NMNAT3: variants seen among roughly 807,000 people sequenced by gnomAD.
NMNAT3 encodes the protein nicotinamide/nicotinic acid mononucleotide adenylyltransferase 3.
In NMNAT3, 21 loss-of-function variants were observed where a neutral mutation model predicts 24.8. The ratio of observed to expected loss-of-function variants is 0.85; its 90% CI spans 0.60 to 1.22. The LOEUF (loss-of-function observed/expected upper bound fraction) is 1.22, where lower values mean the gene tolerates loss of function less well. NMNAT3 is among the 50% of genes most tolerant of loss of function. NMNAT3 has a pLI of 0.00. For missense variants in NMNAT3, 387 were observed against 436.6 expected (o/e 0.89, Z 1.01); for synonymous variants, 136 against 155.2 (o/e 0.88, Z 0.92).
intron 3 of NMNAT3, among the ~76,000 whole-genome samples, chr3:139,598,496 G>A (rs2054574706): frequency 6.6e-6 from 1 of 152,122 alleles, no homozygotes; most frequent in African/African-American, 2.4e-5. Context: ...CCACATGCAT[G>A]TGCTGTAGTC....
At chr3:139,672,762 T>C (rs974352590) in intron 1 of NMNAT3, 1 of 152,192 alleles carries the variant, frequency 6.6e-6, no homozygotes, top group Non-Finnish European at 1.5e-5. Context: ...CCAAAGTAAC[T>C]CTCTAATAAT....
intron 1 of NMNAT3, among the ~76,000 whole-genome samples, chr3:139,662,541 A>G (rs1245345991): frequency 6.6e-6 from 1 of 152,202 alleles, no homozygotes; most frequent in Non-Finnish European, 1.5e-5. Flanking sequence ...ATGGCCAGGC[A>G]GAAGCTCAGG....
At chr3:139,666,323 C>T (rs1310380576) in intron 1 of NMNAT3, among the ~76,000 whole-genome samples, 8 of 152,160 alleles carry the variant, frequency 5.3e-5, no homozygotes, top group Non-Finnish European at 1.2e-4. Flanking sequence ...CCAGGGATAC[C>T]TGTTCTTAGG....
chr3:139,582,937 C>T lies in NMNAT3; in HGVS notation c.381G>A (p.Glu127=). The T allele has an allele frequency of 6.7e-7, 1 of 1,485,060 alleles. No homozygotes were observed. Among genetic ancestry groups the T allele is most frequent in the Non-Finnish European group, 9.0e-7 (1 of 1,115,330 alleles). The allele number at this position is 1,485,060 out of a possible 1,614,324, so 92.0% of individuals were successfully genotyped here. A position where few individuals can be genotyped will look rare whatever the true frequency, so the allele number is the denominator to read the frequency against. The change falls in exon 4 of 7, where the codon GAG becomes GAA. Residue 127 remains glutamate, a synonymous_variant. Transcript: ENST00000643695. ...ATATATATTTTTTACCTTGAAGTCG[C>T]TCATCAGTGAATATTTTGTTTGTTT...
chr3:139,624,635 G>C (rs1450787740), intron 3 of NMNAT3, among the ~76,000 whole-genome samples: 1 of 152,114 alleles, frequency 6.6e-6, no homozygotes, highest in Non-Finnish European at 1.5e-5. Context: ...TCTTAGTAGA[G>C]ACGGGGTTTC....
intron 6 of NMNAT3, among the ~76,000 whole-genome samples, chr3:139,572,705 AC>A (rs1205938674): frequency 6.6e-6 from 1 of 152,216 alleles, no homozygotes; most frequent in Non-Finnish European, 1.5e-5. Context: ...AAAAATACTA[AC>A]AGATATTAAA....
intron 3 of NMNAT3, among the ~76,000 whole-genome samples, chr3:139,622,865 T>A (rs189410685): frequency 9.7e-5 from 14 of 144,864 alleles, no homozygotes; most frequent in African/African-American, 2.5e-4. Flanking sequence ...TATATATATA[T>A]AAACAGTATA....
chr3:139,579,977 C>T (rs1390022703), intron 4 of NMNAT3, among the ~76,000 whole-genome samples: 1 of 152,094 alleles, frequency 6.6e-6, no homozygotes, highest in Non-Finnish European at 1.5e-5. Flanking sequence ...CCCTATTTGG[C>T]CAAGATATAT....
At chr3:139,576,288 C>CA in intron 5 of NMNAT3, 1 of 966,916 alleles carries the variant, frequency 1.0e-6, no homozygotes, top group Non-Finnish European at 1.2e-6. Context: ...TAATCAAACA[C>CA]AAATGCAGTT....
chr3:139,578,901 T>C lies in NMNAT3; in HGVS notation c.546A>G (p.Ala182=), dbSNP rs746939245. Residue 182 remains alanine, a synonymous_variant, in exon 5 of 7, where the codon GCA becomes GCG. Coordinates refer to ENST00000643695, the MANE Select transcript of NMNAT3 (RefSeq NM_001320510.2). Reference sequence around the variant, plus strand: ...GCACCTTCACTGTCTCCATCCACTGTGCCTGCTCACTCTCCCAAGGGTCCA... The same window carrying C: ...GCACCTTCACTGTCTCCATCCACTGCGCCTGCTCACTCTCCCAAGGGTCCA... 2.5e-6 allele frequency: 4 copies of C among 1,614,148 alleles called. No individual in the cohort carries two copies. The Admixed American group carries it at 5.0e-5, about 20-fold the overall frequency.
intron 6 of NMNAT3, chr3:139,568,818 G>C (rs1223642857): frequency 6.6e-6 from 1 of 152,226 alleles, no homozygotes; most frequent in Non-Finnish European, 1.5e-5. Flanking sequence ...TGTATATTCT[G>C]TTGATTTCAG....
At chr3:139,617,722 G>A (rs1356783569) in intron 3 of NMNAT3, among the ~76,000 whole-genome samples, 1 of 152,158 alleles carries the variant, frequency 6.6e-6, no homozygotes, top group Non-Finnish European at 1.5e-5. Context: ...TTGATTAGAA[G>A]TAACTAACTG....
chr3:139,592,510 A>G (rs1382541839), intron 3 of NMNAT3, among the ~76,000 whole-genome samples: 6 of 152,172 alleles, frequency 3.9e-5, no homozygotes, highest in African/African-American at 1.2e-4. Context: ...TCCAAGACAC[A>G]TAATTGTCAG....
At chr3:139,599,561 A>G in intron 3 of NMNAT3, 1 of 607,312 alleles carries the variant, frequency 1.6e-6, no homozygotes, top group Non-Finnish European at 2.9e-6. Flanking sequence ...AAAACATAAA[A>G]AAGACCAGAA....
intron 5 of NMNAT3, among the ~76,000 whole-genome samples, chr3:139,577,403 C>T (rs1341288871): frequency 6.6e-6 from 1 of 152,130 alleles, no homozygotes; most frequent in Non-Finnish European, 1.5e-5. Flanking sequence ...ATGTCATTTC[C>T]ATTTTATTAG....
chr3:139,661,507 G>A (rs1056326978), intron 1 of NMNAT3, among the ~76,000 whole-genome samples: 2 of 152,122 alleles, frequency 1.3e-5, no homozygotes, highest in Non-Finnish European at 2.9e-5. Context: ...ATCTCTACAG[G>A]AAATTTTAAA....
rs80323492 is a variant in NMNAT3 at position 139,632,815 on chromosome 3, G to A, written c.-40-5051C>T. Among the ~76,000 whole-genome samples, 1,037 of 152,292 alleles carry A rather than the reference G, an allele frequency of 6.8e-3. 9 individuals are homozygous for A. The highest frequency in any genetic ancestry group is 0.024 in the African/African-American group (1,000 of 41,552). The stretch of plus-strand genomic sequence containing the variant: ...GAATAATTGGCTCCTGAAAATGACC[G>A]TGTCCTAATCCTTGGAACCTGTGAA... On this transcript the variant is annotated intron_variant, in intron 2 of 6. Transcript: ENST00000643695.
rs1417248590 is a variant in NMNAT3, at chr3:139,638,082, C to T, written c.-140-20G>A. 1 of 152,202 alleles carries T rather than the reference C, an allele frequency of 6.6e-6. No individual in the cohort carries two copies. Among genetic ancestry groups the T allele is most frequent in the African/African-American group, 2.4e-5 (1 of 41,444 alleles). The allele number at this position is 152,202 out of a possible 1,614,324, so 9.4% of individuals were successfully genotyped here. ...AGGTAGCTGTGGAAGAAATATTCCC[C>T]AAGTCAAAACAGCAGAGCCCCAGGT... On this transcript the variant is annotated intron_variant, in intron 1 of 6. Coordinates refer to ENST00000643695, the MANE Select transcript of NMNAT3 (RefSeq NM_001320510.2).
chr3:139,617,577 A>C (rs2055567786), intron 3 of NMNAT3, among the ~76,000 whole-genome samples: 1 of 152,266 alleles, frequency 6.6e-6, no homozygotes, highest in South Asian at 2.1e-4. Context: ...AAAGGATGAC[A>C]TAAGTGTTTG....
Sources: gnomAD v4.1 joint callset for allele counts (sites outside exome capture counted in the v4.1 genomes callset) on GRCh38, gnomAD v4.1.1 for gene constraint, MANE v1.5 for transcripts, NCBI Gene and HGNC (gene_info 2026-07-23, HGNC 2026-07-21) for gene names.